Variants in ALMS1 observed in about 807,000 individuals in gnomAD.
ALMS1 encodes the protein centrosome-associated protein ALMS1.
In ALMS1, 271 loss-of-function variants were observed where a neutral mutation model predicts 352.2. That is an observed-to-expected ratio of 0.77 (90% CI 0.70 to 0.85). The LOEUF (loss-of-function observed/expected upper bound fraction) is 0.85, where lower values mean the gene tolerates loss of function less well. Ranked by LOEUF, ALMS1 falls within the 40% of genes least tolerant of loss-of-function variation. The pLI is 0.00. For missense variants in ALMS1, 5,445 were observed against 4,870.7 expected (o/e 1.12, Z -3.51); for synonymous variants, 1,865 against 1,761.2 (o/e 1.06, Z -1.48).
chr2:73,543,178 A>G (rs550980351), intron 12 of ALMS1, among the ~76,000 whole-genome samples: 45 of 152,316 alleles, frequency 3.0e-4, no homozygotes, highest in Non-Finnish European at 5.3e-4. Flanking sequence ...ATATAGACCA[A>G]CGGAACAGAA....
At chr2:73,521,097 A>G (rs903270162) in intron 11 of ALMS1, among the ~76,000 whole-genome samples, 1 of 152,208 alleles carries the variant, frequency 6.6e-6, no homozygotes, top group Non-Finnish European at 1.5e-5. Context: ...ATATACTAAG[A>G]TGGTTATAAT....
At chr2:73,466,880 G>A (rs927040491) in intron 9 of ALMS1, among the ~76,000 whole-genome samples, 1 of 152,046 alleles carries the variant, frequency 6.6e-6, no homozygotes, top group Non-Finnish European at 1.5e-5. Context: ...CTGCATAAAT[G>A]GAGTTAATTT....
At chr2:73,436,012 T>C (rs1310422580) in intron 7 of ALMS1, among the ~76,000 whole-genome samples, 1 of 152,350 alleles carries the variant, frequency 6.6e-6, no homozygotes, top group African/African-American at 2.4e-5. Context: ...GTTATGAAAA[T>C]GTTACTACTA....
At chr2:73,589,979 C>T (rs193116135) in intron 16 of ALMS1, among the ~76,000 whole-genome samples, 1 of 152,178 alleles carries the variant, frequency 6.6e-6, no homozygotes, top group East Asian at 1.9e-4. Flanking sequence ...TACTTCTCTG[C>T]CAATTATTTC....
chr2:73,535,610 C>T (rs920540973), intron 12 of ALMS1, among the ~76,000 whole-genome samples: 13 of 152,174 alleles, frequency 8.5e-5, no homozygotes, highest in African/African-American at 2.9e-4. Flanking sequence ...AGTAGTTTAT[C>T]ACTGTCCTTT....
Position 73,602,229 on chromosome 2 carries a change from G to A in ALMS1, c.12159G>A (p.Gly4053=). ...GACCTGACTTCATCTCCCGCTCTGG[G>A]GAGCGGATAAAGCGCCTGAAGTTAA... is the stretch of plus-strand genomic sequence containing the variant. The part of the protein sequence containing the change: ...FHRPDFISRS[G]ERIKRLKLIV... The change falls in exon 20 of 23, where the codon GGG becomes GGA. Residue 4053 remains glycine, a synonymous_variant. Transcript: ENST00000613296. 1 of 1,614,058 alleles carries A rather than the reference G, an allele frequency of 6.2e-7. No individual in the cohort carries two copies. The highest frequency in any genetic ancestry group is 8.5e-7 in the Non-Finnish European group (1 of 1,179,948).
At chr2:73,413,734 A>G (rs1408016413) in intron 2 of ALMS1, among the ~76,000 whole-genome samples, 1 of 152,206 alleles carries the variant, frequency 6.6e-6, no homozygotes, top group African/African-American at 2.4e-5. Flanking sequence ...TATGGTGTGA[A>G]GGAAGCATCC....
intron 12 of ALMS1, among the ~76,000 whole-genome samples, chr2:73,536,678 A>G (rs930680805): frequency 1.3e-5 from 2 of 152,170 alleles, no homozygotes; most frequent in African/African-American, 2.4e-5. Context: ...CAAGACATAC[A>G]TCATTGTTAG....
chr2:73,406,823 G>A (rs113304334), intron 1 of ALMS1, among the ~76,000 whole-genome samples: 1,743 of 152,156 alleles, frequency 0.011, 30 homozygotes, highest in African/African-American at 0.036. Context: ...ATGGGGTTTC[G>A]CCATTGTTGG....
intron 13 of ALMS1, among the ~76,000 whole-genome samples, chr2:73,551,118 C>G (rs1674422664): frequency 6.6e-6 from 1 of 152,216 alleles, no homozygotes; most frequent in Non-Finnish European, 1.5e-5. Context: ...CTCAGACTCT[C>G]AAAGTGCTGA....
chr2:73,560,004 C>T (rs1303716015), intron 15 of ALMS1, among the ~76,000 whole-genome samples: 1 of 152,106 alleles, frequency 6.6e-6, no homozygotes, highest in Non-Finnish European at 1.5e-5. Flanking sequence ...ACCAAAAACA[C>T]AGACAACAAA....
intron 1 of ALMS1, among the ~76,000 whole-genome samples, chr2:73,399,907 G>C (rs149503722): frequency 1.7e-4 from 25 of 150,134 alleles, no homozygotes; most frequent in African/African-American, 5.2e-4. Flanking sequence ...TTCTTCTAAA[G>C]CTTGTCAACA....
At position 73,572,557 on chromosome 2, in the gene ALMS1, G is replaced by A; in HGVS notation, c.10680G>A (p.Met3560Ile). 1.9e-6 allele frequency: 3 copies of A among 1,613,750 alleles called. No homozygotes were observed. The highest frequency in any genetic ancestry group is 1.7e-6 in the Non-Finnish European group (2 of 1,179,958). Residue 3560 changes from methionine (M) to isoleucine (I), a missense_variant, in exon 16 of 23, where the codon ATG (methionine) becomes ATA (isoleucine). Physicochemically the swap from Met to Ile is conservative, Grantham distance 10. Transcript: ENST00000613296. ...INVNLGNKEV[M>I]DTTKSQVRDY... is the part of the protein sequence containing the mutation. ...TGAATTTGGGAAACAAAGAAGTGATGGATACTACTAAAAGTCAAGTTAGAG... is the reference window on the plus strand; with the variant it reads ...TGAATTTGGGAAACAAAGAAGTGATAGATACTACTAAAAGTCAAGTTAGAG...
chr2:73,409,580 A>G (rs1671036782), intron 2 of ALMS1, among the ~76,000 whole-genome samples: 1 of 152,208 alleles, frequency 6.6e-6, no homozygotes. Flanking sequence ...ATTTTAAAGT[A>G]AAAAATGACT....
intron 9 of ALMS1, among the ~76,000 whole-genome samples, chr2:73,475,815 T>C (rs1421631038): frequency 6.6e-6 from 1 of 152,132 alleles, no homozygotes; most frequent in Non-Finnish European, 1.5e-5. Context: ...TAGTGTTTTC[T>C]TCTGAGAGAT....
At chr2:73,598,842 C>A (rs1232847256) in intron 16 of ALMS1, among the ~76,000 whole-genome samples, 1 of 152,192 alleles carries the variant, frequency 6.6e-6, no homozygotes, top group Non-Finnish European at 1.5e-5. Context: ...CAGCTGCAAT[C>A]CCTGAAATTG....
intron 3 of ALMS1, among the ~76,000 whole-genome samples, chr2:73,421,181 T>C (rs1671277237): frequency 6.6e-6 from 1 of 152,220 alleles, no homozygotes; most frequent in South Asian, 2.1e-4. Context: ...GAAATGCTGC[T>C]TGTAACTTAC....
chr2:73,536,895 A>G (rs1674041190), intron 12 of ALMS1, among the ~76,000 whole-genome samples: 1 of 152,252 alleles, frequency 6.6e-6, no homozygotes, highest in Non-Finnish European at 1.5e-5. Context: ...AGTAAGCGTT[A>G]GCATTTTAAC....
chr2:73,417,668 A>T (rs989469348), intron 2 of ALMS1, among the ~76,000 whole-genome samples: 3 of 145,038 alleles, frequency 2.1e-5, no homozygotes, highest in Non-Finnish European at 4.6e-5. Flanking sequence ...GAACCTGTCT[A>T]AAAAAAAAAA....
Sources: allele counts gnomAD v4.1 joint callset (sites outside exome capture counted in the v4.1 genomes callset), GRCh38; gene constraint gnomAD v4.1.1; transcripts MANE v1.5; gene names NCBI Gene and HGNC (gene_info 2026-07-23, HGNC 2026-07-21).